Variants in ARFGEF3 observed in about 807,000 individuals in gnomAD.
ARFGEF3 encodes the protein ARFGEF family member 3, also known as brefeldin A-inhibited guanine nucleotide-exchange protein 3.
ARFGEF3 carries 96 observed loss-of-function variants against 221.7 expected under a neutral mutation model. The ratio of observed to expected loss-of-function variants is 0.43; its 90% CI spans 0.37 to 0.51. The LOEUF (loss-of-function observed/expected upper bound fraction) is 0.51. Among genes scored for constraint, ARFGEF3 ranks in the 20% least tolerant of loss-of-function variants. ARFGEF3 has a pLI of 0.00. For missense variants in ARFGEF3, 2,410 were observed against 2,789.9 expected, an observed-to-expected ratio of 0.86 and a Z score of 3.07; for synonymous variants, 1,145 against 1,126.8, an observed-to-expected ratio of 1.02 and a Z score of -0.32.
At chr6:138,209,162 A>G (rs763841719) in intron 3 of ARFGEF3, among the ~76,000 whole-genome samples, 42 of 152,130 alleles carry the variant, frequency 2.8e-4, no homozygotes, top group Non-Finnish European at 3.8e-4. Flanking sequence ...TTCCTAAATA[A>G]TTCCTGGATA....
At position 138,335,159 on chromosome 6, in the gene ARFGEF3, T is replaced by C; in HGVS notation, c.6313T>C (p.Ser2105Pro). ...CTCCACCGGGAGCTCCCTCAGTGTC[T>C]CGGTGAGAGACGCAGAAGCACAGAT... is the stretch of plus-strand genomic sequence containing the variant. ...SGSTGSSLSV[S>P]VRDAEAQIQA... is the part of the protein sequence containing the mutation. The change falls in exon 33 of 34, where the codon TCG (serine) becomes CCG (proline). Residue 2105 changes from serine to proline, a missense_variant. Physicochemically the swap from Ser to Pro is moderately conservative, Grantham distance 74 (BLOSUM62 -1). Transcript: ENST00000251691. 6.4e-7 allele frequency: 1 copy of C among 1,565,746 alleles called. No homozygotes were observed. Among genetic ancestry groups the C allele is most frequent in the Non-Finnish European group, 8.6e-7 (1 of 1,162,414 alleles).
At chr6:138,305,828 T>G (rs1037595382) in intron 22 of ARFGEF3, among the ~76,000 whole-genome samples, 3 of 152,086 alleles carry the variant, frequency 2.0e-5, no homozygotes, top group African/African-American at 7.2e-5. Context: ...CAAAACCTTT[T>G]AAGAAAAGAG....
At chr6:138,308,518 G>A (rs564285532) in intron 23 of ARFGEF3, among the ~76,000 whole-genome samples, 1 of 151,980 alleles carries the variant, frequency 6.6e-6, no homozygotes, top group Non-Finnish European at 1.5e-5. Context: ...CTCTGCACTC[G>A]GCCAGCTCAG....
chr6:138,209,651 T>C (rs899960386), intron 3 of ARFGEF3, among the ~76,000 whole-genome samples: 1 of 152,158 alleles, frequency 6.6e-6, no homozygotes, highest in African/African-American at 2.4e-5. Flanking sequence ...AGTTTCACCA[T>C]GTTGGCCAGG....
chr6:138,280,945 T>C (rs934618515), intron 14 of ARFGEF3, among the ~76,000 whole-genome samples: 5 of 150,236 alleles, frequency 3.3e-5, no homozygotes, highest in African/African-American at 1.2e-4. Context: ...GCCAAATACT[T>C]ACCAGCATCC....
intron 21 of ARFGEF3, among the ~76,000 whole-genome samples, 154 bp downstream of exon 21, chr6:138,297,109 C>G (rs1339472078): frequency 6.6e-6 from 1 of 152,198 alleles, no homozygotes; most frequent in African/African-American, 2.4e-5. Flanking sequence ...TCACTGTTTT[C>G]TGGTTATACC....
At chr6:138,317,512 T>C in intron 27 of ARFGEF3, 133 bp downstream of exon 27, 3 of 1,058,388 alleles carry the variant, frequency 2.8e-6, no homozygotes, top group Non-Finnish European at 4.1e-6. Context: ...TAAGAGGTGC[T>C]CAATAAATGT....
At chr6:138,195,489 A>G (rs1398025271) in intron 2 of ARFGEF3, among the ~76,000 whole-genome samples, 1 of 152,170 alleles carries the variant, frequency 6.6e-6, no homozygotes, top group Non-Finnish European at 1.5e-5. Context: ...TTTATTCAAG[A>G]GGACAACCAT....
chr6:138,176,639 T>A (rs1776954054), intron 2 of ARFGEF3, among the ~76,000 whole-genome samples: 1 of 152,200 alleles, frequency 6.6e-6, no homozygotes, highest in South Asian at 2.1e-4. Flanking sequence ...TCTCTGTGGT[T>A]TGGTGGAATT....
intron 5 of ARFGEF3, among the ~76,000 whole-genome samples, chr6:138,232,743 A>G (rs183835306): frequency 1.3e-5 from 2 of 152,252 alleles, no homozygotes; most frequent in East Asian, 3.9e-4. Flanking sequence ...AATAATAGCT[A>G]CTAGTCACTG....
At position 138,287,577 on chromosome 6, in the gene ARFGEF3, C is replaced by T. The variant is rs955984831; in HGVS notation, c.2896+393C>T. 2.0e-5 allele frequency among the ~76,000 whole-genome samples: 3 copies of T among 152,202 alleles called. No individual in the cohort carries two copies. The East Asian group carries it at 5.8e-4, about 29-fold the overall frequency. On this transcript the variant is annotated intron_variant, in intron 17 of 33. Transcript: ENST00000251691. Reference sequence around the variant, plus strand: ...TTTTCTAAAGGGGAAATTAAGCAGACGAAGAAAATTCATGAGGGGAGGCTC... The same window carrying T: ...TTTTCTAAAGGGGAAATTAAGCAGATGAAGAAAATTCATGAGGGGAGGCTC...
At chr6:138,311,302 AATAG>A in intron 24 of ARFGEF3, 101 bp from the exon 25 acceptor site, 1 of 667,052 alleles carries the variant, frequency 1.5e-6, no homozygotes, top group Non-Finnish European at 2.6e-6. Flanking sequence ...ACTCTCTTTT[AATAG>A]ATATTTGGTG....
At chr6:138,271,774 A>C (rs1252924351) in intron 12 of ARFGEF3, among the ~76,000 whole-genome samples, 1 of 152,204 alleles carries the variant, frequency 6.6e-6, no homozygotes, top group Non-Finnish European at 1.5e-5. Context: ...TTGTGTCTTT[A>C]AGTATTCTTT....
At chr6:138,210,609 G>A (rs564826791) in intron 4 of ARFGEF3, among the ~76,000 whole-genome samples, 12 of 151,976 alleles carry the variant, frequency 7.9e-5, no homozygotes, top group East Asian at 1.9e-4. Context: ...TTGGGGGTCC[G>A]TTATGCTGAC....
chr6:138,243,180 A>G (rs764788451), intron 7 of ARFGEF3, among the ~76,000 whole-genome samples, 186 bp downstream of exon 7: 2 of 152,078 alleles, frequency 1.3e-5, no homozygotes, highest in Non-Finnish European at 2.9e-5. Context: ...TTCTGTTCCT[A>G]CGTTCACTTA....
At chr6:138,252,796 T>C (rs942755578) in intron 8 of ARFGEF3, among the ~76,000 whole-genome samples, 4 of 152,212 alleles carry the variant, frequency 2.6e-5, no homozygotes, top group Non-Finnish European at 5.9e-5. Context: ...TAAAAAAGGA[T>C]TTATTATATA....
At chr6:138,245,669 A>C in intron 8 of ARFGEF3, 78 bp downstream of exon 8, 2 of 1,045,492 alleles carry the variant, frequency 1.9e-6, no homozygotes, top group Non-Finnish European at 2.9e-6. Context: ...GCATCACTTC[A>C]AATTATGGAT....
At chr6:138,230,646 CAT>C (rs1583023337) in intron 5 of ARFGEF3, among the ~76,000 whole-genome samples, 2 of 152,274 alleles carry the variant, frequency 1.3e-5, no homozygotes, top group South Asian at 4.1e-4. Flanking sequence ...TTTATGGTAT[CAT>C]GTGGTATTAA....
chr6:138,264,054 A>G (rs1046323356), intron 12 of ARFGEF3, among the ~76,000 whole-genome samples: 3 of 152,222 alleles, frequency 2.0e-5, no homozygotes, highest in African/African-American at 7.2e-5. Context: ...TCCTCCCAAT[A>G]TATTCTGAAT....
Sources: allele counts gnomAD v4.1 joint callset (sites outside exome capture counted in the v4.1 genomes callset), GRCh38; gene constraint gnomAD v4.1.1; transcripts MANE v1.5; gene names NCBI Gene and HGNC (gene_info 2026-07-23, HGNC 2026-07-21).